Variants in CSMD1 observed in about 807,000 individuals in gnomAD.
CSMD1 encodes the protein CUB and Sushi multiple domains 1.
A neutral mutation model predicts 417.5 loss-of-function variants in CSMD1; 213 were observed. That is an observed-to-expected ratio of 0.51 (90% confidence interval 0.46 to 0.57). CSMD1 has a LOEUF of 0.57. Among genes scored for constraint, CSMD1 ranks in the 20% least tolerant of loss-of-function variants. The pLI, the probability that CSMD1 is intolerant of heterozygous loss-of-function variation, is 0.00. For missense variants in CSMD1, 6,923 were observed against 4,529.7 expected, an observed-to-expected ratio of 1.53 and a Z score of -15.17; for synonymous variants, 2,862 against 1,736.8, an observed-to-expected ratio of 1.65 and a Z score of -16.11.
intron 18 of CSMD1, among the ~76,000 whole-genome samples, chr8:3,374,798 G>T (rs946705316): frequency 9.2e-5 from 14 of 152,198 alleles, no homozygotes; most frequent in African/African-American, 3.1e-4. Flanking sequence ...GCCCTCTGGG[G>T]ATTCTTTAGT....
chr8:3,308,607 G>T (rs996787063), intron 23 of CSMD1, 104 bp from the exon 24 acceptor site: 1 of 771,614 alleles, frequency 1.3e-6, no homozygotes. Flanking sequence ...TGAAGGGTAG[G>T]GAGAAAAAAG....
intron 5 of CSMD1, among the ~76,000 whole-genome samples, chr8:3,777,995 C>G (rs1798984580): frequency 6.6e-6 from 1 of 152,258 alleles, no homozygotes; most frequent in African/African-American, 2.4e-5. Flanking sequence ...TCAGTACCCA[C>G]TCCAGACCTG....
chr8:4,421,207 A>G (rs1271962399), intron 2 of CSMD1, among the ~76,000 whole-genome samples: 1 of 152,220 alleles, frequency 6.6e-6, no homozygotes, highest in African/African-American at 2.4e-5. Flanking sequence ...GCAATACAGA[A>G]GACAAGTCAG....
chr8:4,188,050 A>C (rs1357109802), intron 3 of CSMD1, among the ~76,000 whole-genome samples: 1 of 152,124 alleles, frequency 6.6e-6, no homozygotes, highest in Admixed American at 6.6e-5. Flanking sequence ...ACTTCGTCCT[A>C]GTCATAGGTG....
intron 12 of CSMD1, among the ~76,000 whole-genome samples, chr8:3,426,119 T>C (rs1813822841): frequency 6.6e-6 from 1 of 152,180 alleles, no homozygotes; most frequent in Admixed American, 6.5e-5. Flanking sequence ...CTTGGTAACG[T>C]TTTCCAAATT....
At chr8:4,715,095 C>T (rs186070207) in intron 1 of CSMD1, among the ~76,000 whole-genome samples, 1 of 152,226 alleles carries the variant, frequency 6.6e-6, no homozygotes, top group African/African-American at 2.4e-5. Context: ...CACTCCAGTC[C>T]TCTCATCACT....
chr8:3,579,580 C>T (rs746065506), intron 9 of CSMD1, among the ~76,000 whole-genome samples: 10 of 152,100 alleles, frequency 6.6e-5, no homozygotes, highest in African/African-American at 1.2e-4. Context: ...ACAAATTTTA[C>T]GTCCAGATTG....
At position 4,841,236 on chromosome 8, in the gene CSMD1, G is replaced by T. The variant is rs570458690; in HGVS notation, c.85+153096C>A. Among the ~76,000 whole-genome samples the T allele has an allele frequency of 5.3e-5, 8 of 152,324 alleles. No homozygotes were observed. The South Asian group carries it at 1.7e-3, about 32-fold the overall frequency. On this transcript the variant is annotated intron_variant, in intron 1 of 69. Coordinates refer to ENST00000635120, the MANE Select transcript of CSMD1 (RefSeq NM_033225.6). ...ATATCTAGATAAAAGGGAAACAAGTGCAATGGCATGTTTCACTTCACCAAT... is the reference window on the plus strand; with the variant it reads ...ATATCTAGATAAAAGGGAAACAAGTTCAATGGCATGTTTCACTTCACCAAT...
chr8:3,358,124 G>C (rs1291581592), intron 21 of CSMD1, among the ~76,000 whole-genome samples: 1 of 152,130 alleles, frequency 6.6e-6, no homozygotes, highest in Non-Finnish European at 1.5e-5. Flanking sequence ...AAGTGAACAT[G>C]TTTGTGTTTT....
intron 3 of CSMD1, among the ~76,000 whole-genome samples, chr8:4,352,904 A>G (rs1205590099): frequency 6.6e-6 from 1 of 152,232 alleles, no homozygotes; most frequent in Non-Finnish European, 1.5e-5. Context: ...AAATGACACT[A>G]GAAAGATTTA....
Position 3,018,469 on chromosome 8 carries a change from G to A in CSMD1, c.8029+8C>T. ...ATTAAGTAAGTGCCAGAACACAGAT[G>A]AATTTACCCAGACATCGAGTTTCGC... On this transcript the variant is annotated splice_region_variant and intron_variant, in intron 52 of 69. Coordinates refer to ENST00000635120, the MANE Select transcript of CSMD1 (RefSeq NM_033225.6). 1 of 1,612,156 alleles carries A rather than the reference G, an allele frequency of 6.2e-7. No homozygotes were observed. Among genetic ancestry groups the A allele is most frequent in the Non-Finnish European group, 8.5e-7 (1 of 1,178,768 alleles).
intron 3 of CSMD1, among the ~76,000 whole-genome samples, chr8:4,277,246 T>C (rs936671908): frequency 6.6e-6 from 1 of 152,096 alleles, no homozygotes; most frequent in Non-Finnish European, 1.5e-5. Flanking sequence ...CTGCTGTTAA[T>C]CTTTAAGAAT....
chr8:3,409,592 TC>T lies in CSMD1; in HGVS notation c.1574del (p.Gly525GlufsTer84), dbSNP rs761966739. ...FKAVYQEIEK[G>X]GCGDPGIPAY... ...CGGGGATTCCAGGATCCCCACACCC[TC>T]CCTTTTCAATTTCTGAAAATGGAAA... On this transcript the variant is annotated frameshift_variant, in exon 13 of 70. Coordinates refer to ENST00000635120, the MANE Select transcript of CSMD1 (RefSeq NM_033225.6). LOFTEE classifies it high-confidence loss of function. 1 of 1,586,678 alleles carries T rather than the reference TC, an allele frequency of 6.3e-7. No homozygotes were observed. The highest frequency in any genetic ancestry group is 8.6e-7 in the Non-Finnish European group (1 of 1,163,928).
At chr8:4,864,061 G>C (rs780294949) in intron 1 of CSMD1, among the ~76,000 whole-genome samples, 1 of 151,842 alleles carries the variant, frequency 6.6e-6, no homozygotes, top group Admixed American at 6.6e-5. Context: ...TTTTTGCCAT[G>C]TTACAAGTAA....
rs184719828 is a variant in CSMD1 at position 3,907,577 on chromosome 8, T to C, written c.818+90326A>G. Among the ~76,000 whole-genome samples the C allele has an allele frequency of 6.8e-4, 104 of 152,310 alleles. No homozygotes were observed. The East Asian group carries it at 0.016, about 23-fold the overall frequency. On this transcript the variant is annotated intron_variant, in intron 5 of 69. Transcript: ENST00000635120. ...CCAGCCAAGTGTGAGTTACCAGTGGTTGTGCCAGGTACAGGCCAACATCAT... is the reference window on the plus strand; with the variant it reads ...CCAGCCAAGTGTGAGTTACCAGTGGCTGTGCCAGGTACAGGCCAACATCAT...
chr8:4,447,051 G>C (rs1045412017), intron 2 of CSMD1, among the ~76,000 whole-genome samples: 7 of 152,144 alleles, frequency 4.6e-5, no homozygotes, highest in African/African-American at 1.4e-4. Context: ...ATCAGCCTGT[G>C]TCAGGTCTGC....
chr8:4,088,308 G>C (rs761861683), intron 3 of CSMD1, among the ~76,000 whole-genome samples: 3 of 152,212 alleles, frequency 2.0e-5, no homozygotes, highest in Non-Finnish European at 2.9e-5. Context: ...AGCCTGCAAA[G>C]CTAGAGTTCA....
At chr8:3,136,241 G>T (rs182838830) in intron 41 of CSMD1, among the ~76,000 whole-genome samples, 97 of 150,774 alleles carry the variant, frequency 6.4e-4, no homozygotes, top group African/African-American at 2.2e-3. Flanking sequence ...GGACAACCAA[G>T]CCTTTTTTTT....
chr8:4,295,549 T>A (rs1384492063), intron 3 of CSMD1, among the ~76,000 whole-genome samples: 1 of 144,940 alleles, frequency 6.9e-6, no homozygotes, highest in Non-Finnish European at 1.5e-5. Flanking sequence ...AAATATATAA[T>A]CTTAAGATTA....
Sources: allele counts gnomAD v4.1 joint callset (sites outside exome capture counted in the v4.1 genomes callset), GRCh38; gene constraint gnomAD v4.1.1; transcripts MANE v1.5; gene names NCBI Gene and HGNC (gene_info 2026-07-23, HGNC 2026-07-21).